Variants in SGCD observed in about 807,000 individuals in gnomAD.
SGCD encodes delta-sarcoglycan.
SGCD carries 18 observed loss-of-function variants against 36.6 expected under a neutral mutation model. The ratio of observed to expected loss-of-function variants is 0.49; its 90% confidence interval spans 0.34 to 0.73. The LOEUF (loss-of-function observed/expected upper bound fraction) is 0.73. Among genes scored for constraint, SGCD ranks in the 30% least tolerant of loss-of-function variants. The pLI is 0.01. For synonymous variants in SGCD, 133 were observed against 130.6 expected (o/e 1.02, Z -0.12); for missense variants, 387 against 346.7 (o/e 1.12, Z -0.92).
intron 7 of SGCD, among the ~76,000 whole-genome samples, chr5:156,674,867 C>T (rs1039101393): frequency 5.9e-5 from 9 of 152,058 alleles, no homozygotes; most frequent in Admixed American, 5.2e-4. Context: ...TTCAAGAGGG[C>T]GTTTTCAGAA....
the SGCD span, among the ~76,000 whole-genome samples, chr5:155,829,006 TC>T: frequency 6.6e-6 from 1 of 152,066 alleles, no homozygotes; most frequent in Admixed American, 6.6e-5. Flanking sequence ...ATTATATTAT[TC>T]TATTTTGTCT....
rs1184513379 is a variant in SGCD, at chr5:156,759,314, G to T, written c.797G>T (p.Cys266Phe). The T allele has an allele frequency of 1.2e-6, 2 of 1,613,478 alleles. No individual in the cohort carries two copies. The highest frequency in any genetic ancestry group is 4.5e-5 in the East Asian group (2 of 44,894). ...TRQKVFEICV[C>F]ANGRLFLSQA... ...CAGAAGGTCTTCGAGATCTGCGTCT[G>T]CGCCAATGGGAGATTATTCCTGTCT... Residue 266 changes from cysteine to phenylalanine, a missense_variant, in exon 9 of 9, where the codon TGC becomes TTC. Physicochemically the swap from Cys to Phe is radical, Grantham distance 205 (BLOSUM62 -2). Coordinates refer to ENST00000337851, the MANE Select transcript of SGCD (RefSeq NM_000337.6).
chr5:156,589,696 A>G lies in SGCD; in HGVS notation c.382+378A>G, dbSNP rs540026333. On this transcript the variant is annotated intron_variant, in intron 5 of 8. Coordinates refer to ENST00000337851, the MANE Select transcript of SGCD (RefSeq NM_000337.6). ...TGGTTGAGAGAAGAATGCAGTATCT[A>G]TAAAGCCAGGGACCATACTTTATGG... 5.1e-4 allele frequency among the ~76,000 whole-genome samples: 77 copies of G among 152,358 alleles called. 1 individual carries two copies. The highest frequency in any genetic ancestry group is 1.8e-3 in the African/African-American group (74 of 41,592).
chr5:156,692,539 A>C (rs1456605605), intron 7 of SGCD, among the ~76,000 whole-genome samples: 2 of 152,178 alleles, frequency 1.3e-5, no homozygotes, highest in Admixed American at 1.3e-4. Flanking sequence ...ATGAACCTCT[A>C]TGTACCTATC....
At chr5:156,396,292 A>G (rs1260146633) in intron 3 of SGCD, among the ~76,000 whole-genome samples, 6 of 152,262 alleles carry the variant, frequency 3.9e-5, no homozygotes. Flanking sequence ...CTTGGGAAGG[A>G]AGCCAAGAAA....
chr5:156,732,649 TCA>T (rs555903989), intron 7 of SGCD, among the ~76,000 whole-genome samples: 2 of 152,112 alleles, frequency 1.3e-5, no homozygotes, highest in South Asian at 4.2e-4. Flanking sequence ...CAATTTTTTG[TCA>T]CAGTTTCAGT....
At chr5:156,368,742 T>C (rs1476938914) in intron 3 of SGCD, among the ~76,000 whole-genome samples, 2 of 152,164 alleles carry the variant, frequency 1.3e-5, no homozygotes, top group Admixed American at 1.3e-4. Context: ...GGGATCTAGG[T>C]TGTGCACTCC....
chr5:156,221,504 C>G (rs994802014), intron 3 of SGCD, among the ~76,000 whole-genome samples: 6 of 151,748 alleles, frequency 4.0e-5, no homozygotes, highest in African/African-American at 1.2e-4. Context: ...ATTTTCCCAT[C>G]TGTATATGGA....
intron 1 of SGCD, among the ~76,000 whole-genome samples, chr5:156,092,000 C>G (rs904093704): frequency 2.6e-5 from 4 of 152,210 alleles, no homozygotes; most frequent in Non-Finnish European, 5.9e-5. Flanking sequence ...TGCCTTGTTT[C>G]CCATGGACAT....
the SGCD span, among the ~76,000 whole-genome samples, chr5:155,798,897 G>T: frequency 9.2e-5 from 14 of 152,198 alleles, no homozygotes; most frequent in African/African-American, 3.4e-4. Flanking sequence ...TGCGTATGAA[G>T]TGATTTGGAG....
chr5:156,292,796 A>G (rs1171084760), intron 3 of SGCD, among the ~76,000 whole-genome samples: 1 of 152,034 alleles, frequency 6.6e-6, no homozygotes, highest in African/African-American at 2.4e-5. Flanking sequence ...AGACATCCTA[A>G]TGGGTTTGAG....
chr5:156,297,047 G>T (rs957156043), intron 3 of SGCD, among the ~76,000 whole-genome samples: 1 of 149,340 alleles, frequency 6.7e-6, no homozygotes, highest in Non-Finnish European at 1.5e-5. Context: ...ATATATATAT[G>T]GGATATATTA....
intron 6 of SGCD, among the ~76,000 whole-genome samples, chr5:156,603,994 C>A (rs1761311955): frequency 6.6e-6 from 1 of 151,876 alleles, no homozygotes; most frequent in Admixed American, 6.6e-5. Flanking sequence ...AAGTGAGGTG[C>A]TGAAGTCTTC....
At chr5:156,585,948 C>T (rs1182650536) in intron 4 of SGCD, among the ~76,000 whole-genome samples, 1 of 152,096 alleles carries the variant, frequency 6.6e-6, no homozygotes, top group Admixed American at 6.6e-5. Flanking sequence ...ACATCCCAAA[C>T]TCAGGCTTTC....
chr5:155,798,553 C>T, the SGCD span, among the ~76,000 whole-genome samples: 3 of 152,100 alleles, frequency 2.0e-5, no homozygotes, highest in Admixed American at 1.3e-4. Flanking sequence ...TACCAGATTA[C>T]GCTAGGGGCT....
At chr5:155,846,218 G>A in the SGCD span, among the ~76,000 whole-genome samples, 88,643 of 151,992 alleles carry the variant, frequency 0.58, 27,120 homozygotes, top group African/African-American at 0.75. Flanking sequence ...TTTCACAAAC[G>A]TAGAAAGCTG....
intron 1 of SGCD, among the ~76,000 whole-genome samples, chr5:155,985,128 A>G (rs2127563131): frequency 6.6e-6 from 1 of 152,322 alleles, no homozygotes; most frequent in Non-Finnish European, 1.5e-5. Context: ...CGTACATTTC[A>G]CAGCTTAAAC....
At chr5:156,283,705 AC>A (rs766873794) in intron 3 of SGCD, among the ~76,000 whole-genome samples, 4 of 152,190 alleles carry the variant, frequency 2.6e-5, no homozygotes, top group East Asian at 3.8e-4. Context: ...ACTTGCTAAA[AC>A]AAATTTCCGG....
intron 1 of SGCD, among the ~76,000 whole-genome samples, chr5:156,032,674 T>C (rs973734984): frequency 1.8e-5 from 2 of 112,252 alleles, no homozygotes; most frequent in Non-Finnish European, 3.3e-5. Context: ...GCCACTGCAC[T>C]CCAGCCTGGG....
Sources: allele counts gnomAD v4.1 joint callset (sites outside exome capture counted in the v4.1 genomes callset), GRCh38; gene constraint gnomAD v4.1.1; transcripts MANE v1.5; gene names NCBI Gene and HGNC (gene_info 2026-07-23, HGNC 2026-07-21).